Variants in RAD18 observed in about 807,000 individuals in gnomAD.
The protein encoded by RAD18 is RAD18 E3 ubiquitin protein ligase.
Under a neutral mutation model 60.4 loss-of-function variants are expected in RAD18, and 47 were observed. The ratio of observed to expected loss-of-function variants is 0.78; its 90% CI spans 0.62 to 0.99. RAD18 has a LOEUF of 0.99. RAD18 is among the 50% of genes least tolerant of loss of function. The pLI is 0.00. For missense variants in RAD18, 640 were observed against 593.3 expected (o/e 1.08, Z -0.82); for synonymous variants, 225 against 195.5 (o/e 1.15, Z -1.26).
At chr3:8,950,274 G>C (rs1315815675) in intron 2 of RAD18, among the ~76,000 whole-genome samples, 1 of 152,052 alleles carries the variant, frequency 6.6e-6, no homozygotes, top group African/African-American at 2.4e-5. Flanking sequence ...GACCATAGGT[G>C]ACCGCCCACC....
intron 7 of RAD18, among the ~76,000 whole-genome samples, chr3:8,923,609 T>C (rs1940371240): frequency 6.6e-6 from 1 of 151,780 alleles, no homozygotes. Context: ...AGACACATAA[T>C]TGACAGATTC....
chr3:8,956,128 C>T (rs1941005826), intron 2 of RAD18, among the ~76,000 whole-genome samples: 1 of 152,156 alleles, frequency 6.6e-6, no homozygotes, highest in South Asian at 2.1e-4. Flanking sequence ...TCTTAGCAAC[C>T]TCAGCATACA....
intron 7 of RAD18, among the ~76,000 whole-genome samples, chr3:8,914,119 G>A (rs1029352666): frequency 1.3e-5 from 2 of 152,150 alleles, no homozygotes; most frequent in Non-Finnish European, 2.9e-5. Context: ...ACTGTTCAAG[G>A]AGAGAAAAAG....
At position 8,895,319 on chromosome 3, in the gene RAD18, C is replaced by T. The variant is rs147007961; in HGVS notation, c.1322+3575G>A. ...GTTATAAAATGAAATATAATGTCAA[C>T]TTTCCAACAGCAATTATGAAGATTT... On this transcript the variant is annotated intron_variant, in intron 11 of 12. Transcript: ENST00000264926. Among the ~76,000 whole-genome samples the T allele has an allele frequency of 8.6e-3, 1,314 of 152,282 alleles. 6 individuals are homozygous for T. The highest frequency in any genetic ancestry group is 0.013 in the Non-Finnish European group (895 of 68,026).
At chr3:8,954,291 C>G (rs964996265) in intron 2 of RAD18, among the ~76,000 whole-genome samples, 1 of 152,204 alleles carries the variant, frequency 6.6e-6, no homozygotes, top group Admixed American at 6.5e-5. Context: ...TTCCTTCTTT[C>G]ATAAAGTCCT....
intron 7 of RAD18, among the ~76,000 whole-genome samples, chr3:8,921,908 T>C (rs1575547450): frequency 6.6e-6 from 1 of 152,164 alleles, no homozygotes; most frequent in Non-Finnish European, 1.5e-5. Flanking sequence ...TTAAAATACA[T>C]AGAAGAAAAA....
At chr3:8,901,220 C>T (rs1408613495) in intron 10 of RAD18, among the ~76,000 whole-genome samples, 3 of 152,142 alleles carry the variant, frequency 2.0e-5, no homozygotes, top group East Asian at 1.9e-4. Flanking sequence ...CCTCATGCTT[C>T]GCTGGTGGGA....
At chr3:8,930,804 T>C (rs1048181238) in intron 7 of RAD18, among the ~76,000 whole-genome samples, 8 of 152,102 alleles carry the variant, frequency 5.3e-5, no homozygotes, top group African/African-American at 1.9e-4. Context: ...ATTCCAGAAT[T>C]AAAAGAACAT....
chr3:8,931,001 G>A (rs7648541), intron 7 of RAD18, among the ~76,000 whole-genome samples: 35 of 152,100 alleles, frequency 2.3e-4, no homozygotes, highest in African/African-American at 6.5e-4. Flanking sequence ...TCACACTGGA[G>A]GTTCTAACCA....
intron 7 of RAD18, among the ~76,000 whole-genome samples, chr3:8,922,014 C>G (rs573941063): frequency 6.6e-6 from 1 of 152,196 alleles, no homozygotes; most frequent in Non-Finnish European, 1.5e-5. Context: ...GCATGAGCGA[C>G]GCAGAAGACG....
chr3:8,960,116 T>C (rs1001693303), intron 1 of RAD18, among the ~76,000 whole-genome samples: 5 of 152,170 alleles, frequency 3.3e-5, no homozygotes, highest in Non-Finnish European at 5.9e-5. Flanking sequence ...GAGACCAGCC[T>C]GGCAAAATAA....
In RAD18 at chr3:8,956,750, T is replaced by TAAAAAAAAAAAAAAAAA. The variant is rs59945420; in HGVS notation, c.133+2169_133+2170insTTTTTTTTTTTTTTTTT. Among the ~76,000 whole-genome samples the TAAAAAAAAAAAAAAAAA allele has an allele frequency of 4.4e-5, 6 of 137,790 alleles. 1 individual carries two copies. The highest frequency in any genetic ancestry group is 1.9e-4 in the African/African-American group (6 of 31,292). The allele number at this position is 137,790 out of a possible 152,430, so 90.4% of individuals were successfully genotyped here. The stretch of plus-strand genomic sequence containing the variant: ...CAAAATTCAACACCCATTCATGATT[T>TAAAAAAAAAAAAAAAAA]AAAAAAAAAAATCCTCTCGCCTAAC... On this transcript the variant is annotated intron_variant, in intron 2 of 12. Transcript: ENST00000264926.
chr3:8,902,336 T>C (rs894465063), intron 10 of RAD18, 44 bp downstream of exon 10: 2 of 1,427,384 alleles, frequency 1.4e-6, no homozygotes, highest in Non-Finnish European at 1.9e-6. Flanking sequence ...TAAAAGTAAA[T>C]AATGAAATTC....
chr3:8,956,554 A>G (rs1941015954), intron 2 of RAD18, among the ~76,000 whole-genome samples: 1 of 152,196 alleles, frequency 6.6e-6, no homozygotes, highest in Non-Finnish European at 1.5e-5. Context: ...GGTAACTGAA[A>G]TCACAGATAA....
intron 4 of RAD18, among the ~76,000 whole-genome samples, chr3:8,946,093 C>T (rs751816738): frequency 1.3e-5 from 2 of 152,194 alleles, no homozygotes; most frequent in Non-Finnish European, 2.9e-5. Flanking sequence ...TTATCACTCA[C>T]TCATTGACTC....
Position 8,935,900 on chromosome 3 carries a change from G to GC in RAD18, c.859dup (p.Ala287GlyfsTer9). The GC allele has an allele frequency of 1.2e-6, 2 of 1,602,804 alleles. No individual in the cohort carries two copies. Among genetic ancestry groups the GC allele is most frequent in the Non-Finnish European group, 1.7e-6 (2 of 1,175,726 alleles). ...TTTAGGATGCAAAGCATCGCATTGG[G>GC]CATTGTACATGTGTACAAATTCTTG... On this transcript the variant is annotated frameshift_variant, in exon 7 of 13. Transcript: ENST00000264926. LOFTEE classifies it high-confidence loss of function.
At chr3:8,939,791 G>A in intron 5 of RAD18, 138 bp from the exon 6 acceptor site, 1 of 680,290 alleles carries the variant, frequency 1.5e-6, no homozygotes, top group Non-Finnish European at 2.4e-6. Context: ...AAAAGAAAAA[G>A]AATGGCCCAT....
At chr3:8,919,549 T>C (rs1940274752) in intron 7 of RAD18, among the ~76,000 whole-genome samples, 1 of 152,240 alleles carries the variant, frequency 6.6e-6, no homozygotes, top group Non-Finnish European at 1.5e-5. Context: ...TAAGTGTACA[T>C]GGATTTACAT....
chr3:8,901,952 G>A (rs1179495121), intron 10 of RAD18, among the ~76,000 whole-genome samples: 3 of 152,164 alleles, frequency 2.0e-5, no homozygotes, highest in Non-Finnish European at 4.4e-5. Context: ...ATGGATCAAA[G>A]TTAAGGAACG....
Sources: gnomAD v4.1 joint callset for allele counts (sites outside exome capture counted in the v4.1 genomes callset) on GRCh38, gnomAD v4.1.1 for gene constraint, MANE v1.5 for transcripts, NCBI Gene and HGNC (gene_info 2026-07-23, HGNC 2026-07-21) for gene names.